The following C12orf42 variants were observed in gnomAD, a reference collection of about 807,000 sequenced individuals.
C12orf42 encodes the protein uncharacterized protein C12orf42.
C12orf42 carries 25 observed loss-of-function variants against 21.6 expected under a neutral mutation model. The ratio of observed to expected loss-of-function variants is 1.16; its 90% confidence interval spans 0.84 to 1.62. C12orf42 has a LOEUF of 1.62. C12orf42 is among the 40% of genes most tolerant of loss of function. C12orf42 has a pLI of 0.00. For missense variants in C12orf42, 483 were observed against 459.3 expected, an observed-to-expected ratio of 1.05 and a Z score of -0.47; for synonymous variants, 174 against 175.0, an observed-to-expected ratio of 0.99 and a Z score of 0.05.
chr12:103,078,208 T>G, the C12orf42 span, among the ~76,000 whole-genome samples: 2 of 152,214 alleles, frequency 1.3e-5, no homozygotes, highest in Admixed American at 6.5e-5. Context: ...ATATGTTGAC[T>G]AACTTAATCC....
At position 103,364,662 on chromosome 12, in the gene C12orf42, C is replaced by T. The variant is rs575058670; in HGVS notation, c.259+4225G>A. ...AGAAAATGAGAGATATTACAACCAACATCAGAGAAATACAAAATATCATTC... is the reference window on the plus strand; with the variant it reads ...AGAAAATGAGAGATATTACAACCAATATCAGAGAAATACAAAATATCATTC... On this transcript the variant is annotated intron_variant, in intron 4 of 5. Coordinates refer to ENST00000548883, the MANE Select transcript of C12orf42 (RefSeq NM_198521.5). Among the ~76,000 whole-genome samples the T allele has an allele frequency of 2.6e-5, 4 of 152,022 alleles. No homozygotes were observed. The South Asian group carries it at 8.3e-4, about 31-fold the overall frequency.
the C12orf42 span, among the ~76,000 whole-genome samples, chr12:103,091,314 G>T: frequency 6.6e-6 from 1 of 151,678 alleles, no homozygotes; most frequent in South Asian, 2.1e-4. Context: ...CCTGTTCATT[G>T]AACTGTCTGG....
intron 4 of C12orf42, among the ~76,000 whole-genome samples, chr12:103,343,867 C>T (rs531837397): frequency 6.4e-4 from 97 of 152,146 alleles, no homozygotes; most frequent in African/African-American, 2.3e-3. Flanking sequence ...ACTAATACCC[C>T]AATTAAAACA....
intron 1 of C12orf42, among the ~76,000 whole-genome samples, chr12:103,488,034 C>A (rs1954951793): frequency 6.6e-6 from 1 of 152,168 alleles, no homozygotes; most frequent in Non-Finnish European, 1.5e-5. Context: ...TTAATTGATG[C>A]AGTTTCTTCA....
the C12orf42 span, among the ~76,000 whole-genome samples, chr12:103,144,871 C>T: frequency 6.6e-6 from 1 of 152,238 alleles, no homozygotes; most frequent in East Asian, 1.9e-4. Flanking sequence ...ACCATGGAAA[C>T]TCTGGAGGGC....
the C12orf42 span, among the ~76,000 whole-genome samples, chr12:103,189,860 G>C: frequency 1.3e-5 from 2 of 152,176 alleles, no homozygotes; most frequent in Non-Finnish European, 2.9e-5. Context: ...TATTTGGCCA[G>C]ACTGAGTTGA....
chr12:103,233,196 T>C (rs577656772), downstream of C12orf42, among the ~76,000 whole-genome samples: 1 of 152,348 alleles, frequency 6.6e-6, no homozygotes, highest in African/African-American at 2.4e-5. Flanking sequence ...GTCTGTTCTT[T>C]TGCCAATACC....
At chr12:103,455,940 C>CT (rs1405628708) in intron 2 of C12orf42, among the ~76,000 whole-genome samples, 1 of 152,046 alleles carries the variant, frequency 6.6e-6, no homozygotes, top group Admixed American at 6.6e-5. Flanking sequence ...CTATCTCCTG[C>CT]TTGAGTTCCA....
rs148340708 is a variant in C12orf42 at position 103,246,759 on chromosome 12, C to T, written c.*1367-8857G>A. Among the ~76,000 whole-genome samples the T allele has an allele frequency of 9.0e-3, 1,366 of 150,954 alleles. 7 individuals carry two copies. Among genetic ancestry groups the T allele is most frequent in the Non-Finnish European group, 0.017 (1,128 of 67,782 alleles). On this transcript the variant is annotated intron_variant and NMD_transcript_variant, in intron 10 of 10. Coordinates refer to the C12orf42 transcript ENST00000547347. ...GGCTTTGAATCTGGGAAGGAGAAAG[C>T]AGAGAAGAATAAAAATGCAGAGCTT...
At chr12:103,477,601 A>G (rs1728681866) in intron 2 of C12orf42, among the ~76,000 whole-genome samples, 1 of 152,152 alleles carries the variant, frequency 6.6e-6, no homozygotes, top group African/African-American at 2.4e-5. Flanking sequence ...AGGGAGGCAG[A>G]AGAGGAGGTT....
upstream of C12orf42, among the ~76,000 whole-genome samples, chr12:103,499,663 C>A (rs1344157636): frequency 6.6e-6 from 1 of 152,154 alleles, no homozygotes; most frequent in Non-Finnish European, 1.5e-5. Flanking sequence ...TGTAAGAAAT[C>A]CAAACAGGAT....
intron 2 of C12orf42, among the ~76,000 whole-genome samples, chr12:103,435,148 C>A (rs956625294): frequency 3.9e-5 from 6 of 152,264 alleles, no homozygotes; most frequent in South Asian, 2.1e-4. Flanking sequence ...CACACTGACA[C>A]CTCACACAGC....
At chr12:103,121,856 TAATA>T in the C12orf42 span, among the ~76,000 whole-genome samples, 1 of 152,224 alleles carries the variant, frequency 6.6e-6, no homozygotes. Flanking sequence ...CAAGAAAGAC[TAATA>T]ACACAAGTAC....
At chr12:103,424,064 T>A (rs527847901) in intron 2 of C12orf42, among the ~76,000 whole-genome samples, 48 of 152,386 alleles carry the variant, frequency 3.1e-4, no homozygotes, top group African/African-American at 1.1e-3. Flanking sequence ...AATGAATGAA[T>A]GGAGGACATT....
At chr12:103,355,658 C>G (rs2043480442) in intron 4 of C12orf42, among the ~76,000 whole-genome samples, 4 of 152,066 alleles carry the variant, frequency 2.6e-5, no homozygotes, top group Admixed American at 2.6e-4. Context: ...TGAGCTAGGC[C>G]TGGATCCCCA....
chr12:103,350,317 A>G (rs1593552574), intron 4 of C12orf42, among the ~76,000 whole-genome samples: 1 of 152,072 alleles, frequency 6.6e-6, no homozygotes, highest in South Asian at 2.1e-4. Flanking sequence ...GAGGTGAATC[A>G]CCCCTTTGTC....
At chr12:103,099,626 T>C in the C12orf42 span, among the ~76,000 whole-genome samples, 1 of 152,204 alleles carries the variant, frequency 6.6e-6, no homozygotes, top group Admixed American at 6.5e-5. Flanking sequence ...AAGTATAACA[T>C]CCAAGGAGAG....
chr12:103,159,748 C>A, the C12orf42 span, among the ~76,000 whole-genome samples: 1 of 152,186 alleles, frequency 6.6e-6, no homozygotes. Flanking sequence ...TGTTCATGGT[C>A]CCCTCCAGTT....
At chr12:103,086,744 C>T in the C12orf42 span, among the ~76,000 whole-genome samples, 1 of 151,894 alleles carries the variant, frequency 6.6e-6, no homozygotes, top group Admixed American at 6.6e-5. Context: ...TTCATCAAAA[C>T]GGTGTTTTGT....
Sources: allele counts gnomAD v4.1 joint callset (sites outside exome capture counted in the v4.1 genomes callset), GRCh38; gene constraint gnomAD v4.1.1; transcripts MANE v1.5; gene names NCBI Gene and HGNC (gene_info 2026-07-23, HGNC 2026-07-21).